ADPRHL1: variants seen among roughly 807,000 people sequenced by gnomAD.
ADPRHL1 encodes ADP-ribosylhydrolase like 1.
A neutral mutation model predicts 44.1 loss-of-function variants in ADPRHL1; 43 were observed. The ratio of observed to expected loss-of-function variants is 0.98; its 90% CI spans 0.76 to 1.26. ADPRHL1 has a LOEUF of 1.26. ADPRHL1 is among the 50% of genes most tolerant of loss of function. The pLI is 0.00. For missense variants in ADPRHL1, 2,022 were observed against 2,496.9 expected (o/e 0.81, Z 4.05); for synonymous variants, 878 against 1,017.4 (o/e 0.86, Z 2.61).
In ADPRHL1 at chr13:113,403,678, G is replaced by A. The variant is rs1003795287; in HGVS notation, c.5604C>T (p.Pro1868=). Residue 1868 remains proline (P), a synonymous_variant, in exon 8 of 8, where the codon CCC becomes CCT. Transcript: ENST00000612156. ...SAGYPPPGSR[P]LRGKSIATSP... is the part of the protein sequence containing the mutation. ...AGGTGGCAATGCTCTTGCCCCTGAG[G>A]GGGCGGCTTCCTGGGGGTGGGTACC... 8.1e-7 allele frequency: 1 copy of A among 1,231,964 alleles called. No individual in the cohort carries two copies. The highest frequency in any genetic ancestry group is 4.1e-5 in the South Asian group (1 of 24,332). 76.3% of individuals were successfully genotyped at this position (1,231,964 alleles called of 1,614,324 possible).
chr13:113,409,658 T>G lies in ADPRHL1; in HGVS notation c.1062-1438A>C. The G allele has an allele frequency of 1.0e-6, 1 of 965,970 alleles. No individual in the cohort carries two copies. The highest frequency in any genetic ancestry group is 4.8e-5 in the South Asian group (1 of 20,916). The allele number at this position is 965,970 out of a possible 1,614,324, so 59.8% of individuals were successfully genotyped here. ...TCAGCGTGATTTGGGAGGCCGAGGC[T>G]GGCAGATCACGAGGTCAGGAGATCG... On this transcript the variant is annotated intron_variant, in intron 7 of 7. Coordinates refer to ENST00000612156, the MANE Select transcript of ADPRHL1 (RefSeq NM_001394807.1). This position sits in a 1 kb window ranked among gnomAD's most constrained non-coding sequence, Gnocchi z 4.2.
intron 2 of ADPRHL1, among the ~76,000 whole-genome samples, chr13:113,434,425 C>T (rs1455040504): frequency 1.3e-5 from 2 of 151,152 alleles, no homozygotes; most frequent in African/African-American, 4.9e-5. Context: ...ACCCTGGGAC[C>T]CAGCACCCAG....
chr13:113,450,962 C>CA (rs199904245), intron 1 of ADPRHL1, among the ~76,000 whole-genome samples: 8 of 151,812 alleles, frequency 5.3e-5, no homozygotes, highest in African/African-American at 1.5e-4. Context: ...ACCCCCCCCC[C>CA]CTTCCTGGTC....
Position 113,407,691 on chromosome 13 carries a change from G to C in ADPRHL1, c.1591C>G (p.Pro531Ala). ...EAREKPPVER[P>A]KAARGLLPKI... ...GGCAAGAGGCCCCTGGCGGCTTTGG[G>C]CCGCTCCACAGGGGGCTTCTCGCGT... Residue 531 changes from proline (P) to alanine (A), a missense_variant, in exon 8 of 8, where the codon CCC (proline) becomes GCC (alanine). Physicochemically the swap from Pro to Ala is conservative, Grantham distance 27. This residue lies in a region of ADPRHL1 where 1,221 missense variants were observed against 1,517.8 expected (regional missense o/e 0.80). Transcript: ENST00000612156. The C allele has an allele frequency of 8.1e-7, 1 of 1,232,078 alleles. No homozygotes were observed. Among genetic ancestry groups the C allele is most frequent in the Non-Finnish European group, 1.0e-6 (1 of 988,010 alleles). 76.3% of individuals were successfully genotyped at this position (1,232,078 alleles called of 1,614,324 possible).
chr13:113,427,368 C>T (rs774507164), intron 4 of ADPRHL1, among the ~76,000 whole-genome samples: 8 of 152,168 alleles, frequency 5.3e-5, no homozygotes, highest in Non-Finnish European at 8.8e-5. Flanking sequence ...TGACTTAGCC[C>T]CTGGCTGCAG....
At position 113,447,870 on chromosome 13, in the gene ADPRHL1, C is replaced by T. The variant is rs907539496; in HGVS notation, c.215-3281G>A. On this transcript the variant is annotated intron_variant, in intron 1 of 7. Transcript: ENST00000612156. Reference sequence around the variant, plus strand: ...CCCAGTGTGTGCCCCTCACAGTCACCGGCACAGTGGATCCACAAACAGCCT... The same window carrying T: ...CCCAGTGTGTGCCCCTCACAGTCACTGGCACAGTGGATCCACAAACAGCCT... 7.9e-5 allele frequency among the ~76,000 whole-genome samples: 12 copies of T among 152,166 alleles called. No individual in the cohort carries two copies. In the South Asian group the frequency reaches 1.2e-3, roughly 16 times the overall value.
intron 2 of ADPRHL1, among the ~76,000 whole-genome samples, chr13:113,439,139 C>T (rs561875368): frequency 1.3e-5 from 2 of 151,552 alleles, no homozygotes; most frequent in East Asian, 1.9e-4. Flanking sequence ...TTTTTTGAGA[C>T]GGAGTCTCAC....
chr13:113,440,177 C>CCAACA (rs1318389673), intron 2 of ADPRHL1, among the ~76,000 whole-genome samples: 3 of 152,180 alleles, frequency 2.0e-5, no homozygotes, highest in Admixed American at 6.5e-5. Context: ...AAGCCAATGG[C>CCAACA]TGGAGACCTT....
At chr13:113,421,115 T>C (rs1195721935) in intron 7 of ADPRHL1, among the ~76,000 whole-genome samples, 6 of 67,374 alleles carry the variant, frequency 8.9e-5, no homozygotes, top group Non-Finnish European at 1.4e-4. Flanking sequence ...GACATGCCTA[T>C]CCCCAGGACA....
rs939462765 is a variant in ADPRHL1 at position 113,407,171 on chromosome 13, G to A, written c.2111C>T (p.Ser704Leu). The change falls in exon 8 of 8, where the codon TCG (serine) becomes TTG (leucine). Residue 704 changes from serine to leucine, a missense_variant. Around this residue, in one of 8 missense-constraint regions of ADPRHL1, gnomAD observed 1,221 missense variants for 1,517.8 expected, o/e 0.80. Transcript: ENST00000612156. ...MAQRDGHAVP[S>L]LAFSCAPCTG... ...GCAGGGAGCACAAGAGAAGGCCAGCGAGGGGACAGCGTGGCCGTCCCTCTG... is the reference window on the plus strand; with the variant it reads ...GCAGGGAGCACAAGAGAAGGCCAGCAAGGGGACAGCGTGGCCGTCCCTCTG... 15 of 1,232,134 alleles carry A rather than the reference G, an allele frequency of 1.2e-5. No homozygotes were observed. In the Admixed American group the frequency reaches 1.7e-4, roughly 14 times the overall value. The allele number at this position is 1,232,134 out of a possible 1,614,324, so 76.3% of individuals were successfully genotyped here. A position where few individuals can be genotyped will look rare whatever the true frequency, so the allele number is the denominator to read the frequency against.
Position 113,453,318 on chromosome 13 carries a change from G to A in ADPRHL1, c.120C>T (p.Ser40=), listed in dbSNP as rs537275759. 2.4e-5 allele frequency: 38 copies of A among 1,614,186 alleles called. No individual in the cohort carries two copies. The highest frequency in any genetic ancestry group is 2.1e-4 in the African/African-American group (16 of 75,042). The change falls in exon 1 of 8, where the codon TCC becomes TCT. Residue 40 remains serine, a synonymous_variant. Transcript: ENST00000612156. This position sits in a 1 kb window ranked among gnomAD's most constrained non-coding sequence, Gnocchi z 5.4. ...GMKIQEELQR[S]GGLDHLVLSP... is the part of the protein sequence containing the mutation. ...AGAGTACGAGGTGGTCCAGGCCCCC[G>A]GAACGTTGCAGCTCCTCCTGGATCT...
rs781158401 is a variant in ADPRHL1, at chr13:113,408,130, G to A, written c.1152C>T (p.Ala384=). The A allele has an allele frequency of 2.4e-4, 291 of 1,232,050 alleles. No homozygotes were observed. The highest frequency in any genetic ancestry group is 2.7e-4 in the Non-Finnish European group (270 of 987,978). 76.3% of individuals were successfully genotyped at this position (1,232,050 alleles called of 1,614,324 possible). Residue 384 remains alanine, a synonymous_variant, in exon 8 of 8, where the codon GCC becomes GCT. Coordinates refer to ENST00000612156, the MANE Select transcript of ADPRHL1 (RefSeq NM_001394807.1). ...KKMGKLACDP[A]AHSILSSLLL... ...GCAGGCTGCTGAGGATGGAGTGGGC[G>A]GCCGGGTCACAGGCCAGCTTGCCCA...
At chr13:113,420,410 T>G (rs1380652277) in intron 7 of ADPRHL1, among the ~76,000 whole-genome samples, 1 of 148,942 alleles carries the variant, frequency 6.7e-6, no homozygotes, top group Non-Finnish European at 1.5e-5. Context: ...AGCCGCGCCC[T>G]GCTCATGCGA....
rs555426838 is a variant in ADPRHL1, at chr13:113,404,237, T to G, written c.5045A>C (p.Lys1682Thr). 63 of 1,287,284 alleles carry G rather than the reference T, an allele frequency of 4.9e-5. 1 individual carries two copies. In the African/African-American group the frequency reaches 8.3e-4, roughly 17 times the overall value. The allele number at this position is 1,287,284 out of a possible 1,614,324, so 79.7% of individuals were successfully genotyped here. A position where few individuals can be genotyped will look rare whatever the true frequency, so the allele number is the denominator to read the frequency against. The change falls in exon 8 of 8, where the codon AAA becomes ACA. Residue 1682 changes from lysine to threonine, a missense_variant. By Grantham distance (78) the Lys-to-Thr change is moderately conservative. Coordinates refer to ENST00000612156, the MANE Select transcript of ADPRHL1 (RefSeq NM_001394807.1). Reference protein sequence around the residue: ...AQERAREQAQKGAQERAREQA... With the variant: ...AQERAREQAQTGAQERAREQA... ...TTCCCGAGCCCGTTCCTGAGCCCCT[T>G]TCTGGGCCTGTTCCCGAGCCCGTTC...
At position 113,433,852 on chromosome 13, in the gene ADPRHL1, G is replaced by C; in HGVS notation, c.395C>G (p.Ala132Gly). ...GCCGATGCACATGGCCTTGGTGGCC[G>C]CTCCAAACCCTGAGCCTGTGTGGAG... ...PFNEKGSGFG[A>G]ATKAMCIGLR... Residue 132 changes from alanine (A) to glycine (G), a missense_variant, in exon 3 of 8, where the codon GCG becomes GGG. Coordinates refer to ENST00000612156, the MANE Select transcript of ADPRHL1 (RefSeq NM_001394807.1). 1 of 1,560,990 alleles carries C rather than the reference G, an allele frequency of 6.4e-7. No individual in the cohort carries two copies.
chr13:113,442,326 G>A (rs186807359), intron 2 of ADPRHL1, among the ~76,000 whole-genome samples: 129 of 152,334 alleles, frequency 8.5e-4, no homozygotes, highest in African/African-American at 2.7e-3. Context: ...GTGTTGGCAC[G>A]CATCTGTTGT....
rs941572189 is a variant in ADPRHL1, at chr13:113,409,703, G to A, written c.1062-1483C>T. On this transcript the variant is annotated intron_variant, in intron 7 of 7. Coordinates refer to ENST00000612156, the MANE Select transcript of ADPRHL1 (RefSeq NM_001394807.1). This position sits in a 1 kb window ranked among gnomAD's most constrained non-coding sequence, Gnocchi z 4.2. ...AGATCGAGACCATCCTGGATAACACGGTGAAACCCCGTCTCTACTAAAGAT... is the reference window on the plus strand; with the variant it reads ...AGATCGAGACCATCCTGGATAACACAGTGAAACCCCGTCTCTACTAAAGAT... 3.3e-5 allele frequency: 25 copies of A among 762,070 alleles called. No homozygotes were observed. Among genetic ancestry groups the A allele is most frequent in the South Asian group, 2.4e-4 (4 of 16,786 alleles). 47.2% of individuals were successfully genotyped at this position (762,070 alleles called of 1,614,324 possible). A position where few individuals can be genotyped will look rare whatever the true frequency, so the allele number is the denominator to read the frequency against.
intron 2 of ADPRHL1, 132 bp downstream of exon 2, chr13:113,444,293 A>C (rs1340590837): frequency 9.3e-6 from 12 of 1,291,430 alleles, no homozygotes; most frequent in Non-Finnish European, 1.2e-5. Flanking sequence ...CCCACCCGAC[A>C]AAGGGACTCT....
chr13:113,436,604 G>A (rs1442866857), intron 2 of ADPRHL1, among the ~76,000 whole-genome samples: 1 of 15,808 alleles, frequency 6.3e-5, no homozygotes, highest in Non-Finnish European at 9.9e-5. Context: ...GGTGTACCCC[G>A]GGACCCGGCA....
Sources: allele counts gnomAD v4.1 joint callset (sites outside exome capture counted in the v4.1 genomes callset), GRCh38; gene constraint gnomAD v4.1.1; regional missense constraint gnomAD v4.1.1; non-coding constraint Gnocchi (gnomAD v3.1); transcripts MANE v1.5; gene names NCBI Gene and HGNC (gene_info 2026-07-23, HGNC 2026-07-21).